The following CCDC7 variants were observed in gnomAD, a reference collection of about 807,000 sequenced individuals.
CCDC7 encodes coiled-coil domain containing 7, also known as coiled-coil domain-containing protein 7.
A neutral mutation model predicts 196.9 loss-of-function variants in CCDC7; 183 were observed. The observed-to-expected ratio is 0.93, with a 90% CI of 0.82 to 1.05. The LOEUF (loss-of-function observed/expected upper bound fraction) is 1.05. CCDC7 is among the 50% of genes least tolerant of loss of function. CCDC7 has a pLI of 0.00. For missense variants in CCDC7, 1,540 were observed against 1,482.2 expected, an observed-to-expected ratio of 1.04 and a Z score of -0.64; for synonymous variants, 525 against 484.6, an observed-to-expected ratio of 1.08 and a Z score of -1.10.
intron 9 of CCDC7, among the ~76,000 whole-genome samples, chr10:32,506,109 C>T (rs1402362792): frequency 7.7e-5 from 11 of 142,612 alleles, no homozygotes; most frequent in East Asian, 2.2e-4. Flanking sequence ...CCAGACAGGG[C>T]GGCCAGGCAG....
At chr10:32,746,354 G>A (rs909966461) in intron 28 of CCDC7, among the ~76,000 whole-genome samples, 2 of 152,200 alleles carry the variant, frequency 1.3e-5, no homozygotes, top group African/African-American at 4.8e-5. Flanking sequence ...AGACCCTATT[G>A]TCCTGATAGA....
intron 30 of CCDC7, among the ~76,000 whole-genome samples, chr10:32,806,620 A>G (rs2085917414): frequency 6.6e-6 from 1 of 152,230 alleles, no homozygotes; most frequent in Non-Finnish European, 1.5e-5. Context: ...AATTTACTAG[A>G]GGGGTTCAAG....
chr10:32,452,015 T>C, intron 1 of CCDC7, 94 bp downstream of exon 2: 1 of 1,429,972 alleles, frequency 7.0e-7, no homozygotes, highest in South Asian at 1.6e-5. Context: ...CCACATATAG[T>C]CATACCGATG....
At chr10:32,805,130 C>T in intron 30 of CCDC7, 32 bp downstream of exon 31, 2 of 1,473,208 alleles carry the variant, frequency 1.4e-6, no homozygotes, top group East Asian at 2.3e-5. Context: ...TAATATTTCT[C>T]ATTTATTTTT....
intron 24 of CCDC7, among the ~76,000 whole-genome samples, chr10:32,704,807 C>G (rs557318155): frequency 6.6e-6 from 1 of 152,122 alleles, no homozygotes; most frequent in Admixed American, 6.5e-5. Flanking sequence ...TAGCACTCTC[C>G]GAGCCAGGCG....
At chr10:32,641,812 A>G (rs1345641015) in intron 20 of CCDC7, among the ~76,000 whole-genome samples, 1 of 152,118 alleles carries the variant, frequency 6.6e-6, no homozygotes, top group East Asian at 1.9e-4. Context: ...GATGATGGTG[A>G]CGAACAGATG....
In CCDC7 at chr10:32,824,618, T is replaced by G; in HGVS notation, c.3268+14T>G. 6.4e-7 allele frequency: 1 copy of G among 1,570,704 alleles called. No homozygotes were observed. Among genetic ancestry groups the G allele is most frequent in the Non-Finnish European group, 8.7e-7 (1 of 1,144,878 alleles). On this transcript the variant is annotated intron_variant, in intron 32 of 41. Transcript: ENST00000639629. Reference sequence around the variant, plus strand: ...AGAGTTACCCTGGTAAGAATAAGAATTTTTAAAATCTACTTATGGTTTCCT... The same window carrying G: ...AGAGTTACCCTGGTAAGAATAAGAAGTTTTAAAATCTACTTATGGTTTCCT...
At chr10:32,858,877 A>G (rs1303087598) in intron 41 of CCDC7, among the ~76,000 whole-genome samples, 1 of 152,208 alleles carries the variant, frequency 6.6e-6, no homozygotes, top group East Asian at 1.9e-4. Flanking sequence ...ACTATCCTAA[A>G]TATATGTGCA....
At chr10:32,564,806 A>G (rs1050473154) in intron 13 of CCDC7, among the ~76,000 whole-genome samples, 1 of 152,120 alleles carries the variant, frequency 6.6e-6, no homozygotes, top group Non-Finnish European at 1.5e-5. Flanking sequence ...GTATAAAAAA[A>G]AAAAAGAATC....
intron 8 of CCDC7, among the ~76,000 whole-genome samples, chr10:32,479,292 G>T (rs2039551214): frequency 6.6e-6 from 1 of 152,032 alleles, no homozygotes; most frequent in Non-Finnish European, 1.5e-5. Flanking sequence ...TCTTTATCTT[G>T]TTCTTCATCT....
downstream of CCDC7, among the ~76,000 whole-genome samples, chr10:32,878,411 A>G (rs969781983): frequency 3.9e-5 from 6 of 152,076 alleles, no homozygotes; most frequent in African/African-American, 9.7e-5. Flanking sequence ...TCAACTAAAA[A>G]TAGCTCCTTG....
At chr10:32,728,821 T>G in intron 26 of CCDC7, 66 bp from the exon 28 acceptor site, 2 of 802,330 alleles carry the variant, frequency 2.5e-6, no homozygotes, top group Non-Finnish European at 3.8e-6. Flanking sequence ...ATAAGAGAAA[T>G]GTACATATTA....
chr10:32,554,834 A>T (rs1262966047), intron 13 of CCDC7, among the ~76,000 whole-genome samples: 5 of 152,288 alleles, frequency 3.3e-5, no homozygotes, highest in African/African-American at 1.2e-4. Flanking sequence ...TGTACTCATT[A>T]ACCATTGCCA....
chr10:32,502,496 TC>T (rs1433988568), intron 9 of CCDC7, among the ~76,000 whole-genome samples: 3 of 151,338 alleles, frequency 2.0e-5, no homozygotes, highest in Non-Finnish European at 3.0e-5. Context: ...CTGGAGCTGT[TC>T]CTATTTGGCC....
intron 18 of CCDC7, among the ~76,000 whole-genome samples, chr10:32,589,954 T>TGAAG (rs1383276639): frequency 2.0e-5 from 3 of 152,130 alleles, no homozygotes; most frequent in Non-Finnish European, 4.4e-5. Context: ...TCCTTATAGG[T>TGAAG]GAAGTGTGTT....
In CCDC7 at chr10:32,587,021, G is replaced by T. The variant is rs554392584; in HGVS notation, c.1801+2717G>T. 4.5e-4 allele frequency among the ~76,000 whole-genome samples: 69 copies of T among 152,076 alleles called. 1 individual carries two copies. The highest frequency in any genetic ancestry group is 1.4e-3 in the Admixed American group (22 of 15,272). ...TTTCTTTTATCCCAGCAGTCAAGTT[G>T]AACTGAATTAATCTAGTTAAAATTT... On this transcript the variant is annotated intron_variant, in intron 18 of 41. Coordinates refer to ENST00000639629, the Ensembl canonical transcript of CCDC7.
At chr10:32,473,920 A>G (rs1164644817) in intron 7 of CCDC7, 47 bp from the exon 9 acceptor site, 2 of 1,542,618 alleles carry the variant, frequency 1.3e-6, no homozygotes, top group East Asian at 2.3e-5. Context: ...ATTAGTATAT[A>G]TAATTGCCGT....
rs533070411 is a variant in CCDC7 at position 32,540,608 on chromosome 10, C to T, written c.994-2692C>T. ...GCCTGAAAAGATCTTATTTCTCTTCCACTTATGACATTCAGTTTGGCTGGA... is the reference window on the plus strand; with the variant it reads ...GCCTGAAAAGATCTTATTTCTCTTCTACTTATGACATTCAGTTTGGCTGGA... On this transcript the variant is annotated intron_variant, in intron 11 of 41. Coordinates refer to ENST00000639629, the Ensembl canonical transcript of CCDC7. Among the ~76,000 whole-genome samples the T allele has an allele frequency of 3.8e-4, 58 of 152,190 alleles. No individual in the cohort carries two copies. The South Asian group carries it at 0.012, about 30-fold the overall frequency.
chr10:32,717,765 T>C (rs2081836432), intron 25 of CCDC7, among the ~76,000 whole-genome samples: 1 of 151,934 alleles, frequency 6.6e-6, no homozygotes, highest in Non-Finnish European at 1.5e-5. Context: ...GAAAATAAAC[T>C]AGAAAATCTA....
Sources: allele counts gnomAD v4.1 joint callset (sites outside exome capture counted in the v4.1 genomes callset), GRCh38; gene constraint gnomAD v4.1.1; transcripts MANE v1.5; gene names NCBI Gene and HGNC (gene_info 2026-07-23, HGNC 2026-07-21).